RTKN2: variants seen among roughly 807,000 people sequenced by gnomAD.
The protein encoded by RTKN2 is rhotekin 2, also known as rhotekin-2.
In RTKN2, 69 loss-of-function variants were observed where a neutral mutation model predicts 71.5. The observed-to-expected ratio is 0.96, with a 90% CI of 0.79 to 1.18. RTKN2 has a LOEUF of 1.18. Among genes scored for constraint, RTKN2 ranks in the 50% most tolerant of loss-of-function variants. The probability of loss-of-function intolerance (pLI) is 0.00; values close to 1 mark genes in which losing one functional copy is unlikely to be tolerated. For missense variants in RTKN2, 724 were observed against 719.7 expected (o/e 1.01, Z -0.07); for synonymous variants, 236 against 236.5 (o/e 1.00, Z 0.02).
At chr10:62,226,700 A>T (rs192361534) in intron 6 of RTKN2, among the ~76,000 whole-genome samples, 1 of 152,366 alleles carries the variant, frequency 6.6e-6, no homozygotes, top group Non-Finnish European at 1.5e-5. Context: ...ATTTATTCTG[A>T]ACAAGTTTCT....
intron 6 of RTKN2, among the ~76,000 whole-genome samples, chr10:62,235,665 GGTGTGT>G (rs549300762): frequency 7.9e-5 from 6 of 75,528 alleles, no homozygotes; most frequent in Non-Finnish European, 1.8e-4. Context: ...ATATGTATAA[GGTGTGT>G]GTGTGTGTGT....
At chr10:62,258,533 C>G (rs1019815969) in intron 2 of RTKN2, among the ~76,000 whole-genome samples, 3 of 152,110 alleles carry the variant, frequency 2.0e-5, no homozygotes, top group Non-Finnish European at 2.9e-5. Context: ...TCCCTAAAAA[C>G]TGGTTATTTC....
At chr10:62,201,407 A>G (rs1029559890) in intron 10 of RTKN2, among the ~76,000 whole-genome samples, 1 of 152,192 alleles carries the variant, frequency 6.6e-6, no homozygotes, top group Non-Finnish European at 1.5e-5. Context: ...TTTCAAAATA[A>G]GCCACACAGC....
chr10:62,196,659 A>C lies in RTKN2; in HGVS notation c.*1249T>G. 1.0e-6 allele frequency: 1 copy of C among 985,118 alleles called. No individual in the cohort carries two copies. Among genetic ancestry groups the C allele is most frequent in the Non-Finnish European group, 1.2e-6 (1 of 829,688 alleles). 61.0% of individuals were successfully genotyped at this position (985,118 alleles called of 1,614,324 possible). A position where few individuals can be genotyped will look rare whatever the true frequency, so the allele number is the denominator to read the frequency against. On this transcript the variant is annotated 3_prime_UTR_variant, in exon 12 of 12. Transcript: ENST00000373789. ...ACACAGGGCAGCAATTTAATTCTTA[A>C]ATTTTTATTTCTTGCAATGACATTT...
intron 3 of RTKN2, among the ~76,000 whole-genome samples, chr10:62,245,692 TG>T (rs1432237363): frequency 6.6e-6 from 1 of 152,118 alleles, no homozygotes; most frequent in Non-Finnish European, 1.5e-5. Flanking sequence ...TCAAAAGACT[TG>T]GGTTTGGCCT....
chr10:62,240,832 T>A (rs1334835927), intron 4 of RTKN2, among the ~76,000 whole-genome samples: 1 of 152,226 alleles, frequency 6.6e-6, no homozygotes, highest in Non-Finnish European at 1.5e-5. Context: ...ATGTTGGCTT[T>A]ACCTTTATTC....
intron 9 of RTKN2, among the ~76,000 whole-genome samples, chr10:62,209,132 G>A (rs1194559225): frequency 6.6e-6 from 1 of 152,150 alleles, no homozygotes; most frequent in Non-Finnish European, 1.5e-5. Flanking sequence ...GCTGGGCGTG[G>A]TGGCGCATGC....
At position 62,193,800 on chromosome 10, in the gene RTKN2, A is replaced by G. The variant is rs1841270536; in HGVS notation, c.*4108T>C. On this transcript the variant is annotated 3_prime_UTR_variant, in exon 12 of 12. Transcript: ENST00000373789. ...AAGGTTATGTCAATGGATTTTTAAAAGAGTATACTTTAAGAAGGATTATAT... is the reference window on the plus strand; with the variant it reads ...AAGGTTATGTCAATGGATTTTTAAAGGAGTATACTTTAAGAAGGATTATAT... The G allele has an allele frequency of 1.0e-6, 1 of 981,494 alleles. No individual in the cohort carries two copies. The highest frequency in any genetic ancestry group is 1.2e-6 in the Non-Finnish European group (1 of 826,468). 60.8% of individuals were successfully genotyped at this position (981,494 alleles called of 1,614,324 possible).
chr10:62,195,278 A>G lies in RTKN2; in HGVS notation c.*2630T>C. 4 of 984,878 alleles carry G rather than the reference A, an allele frequency of 4.1e-6. No homozygotes were observed. Among genetic ancestry groups the G allele is most frequent in the Non-Finnish European group, 4.8e-6 (4 of 829,468 alleles). The allele number at this position is 984,878 out of a possible 1,614,324, so 61.0% of individuals were successfully genotyped here. On this transcript the variant is annotated 3_prime_UTR_variant, in exon 12 of 12. Transcript: ENST00000373789. ...TGTTTCAAGTTTATAGTCTTCATAT[A>G]TCAAGAAACAAATTAAAAGGACAAA...
Position 62,225,982 on chromosome 10 carries a change from C to T in RTKN2, c.687-2650G>A, listed in dbSNP as rs377201961. Among the ~76,000 whole-genome samples, 25 of 152,130 alleles carry T rather than the reference C, an allele frequency of 1.6e-4. No individual in the cohort carries two copies. The South Asian group carries it at 4.8e-3, about 29-fold the overall frequency. On this transcript the variant is annotated intron_variant, in intron 6 of 11. Coordinates refer to ENST00000373789, the MANE Select transcript of RTKN2 (RefSeq NM_145307.4). ...ATTTTTAGTAGAGACGGGGTTTCAC[C>T]GTGTTAGCCAGGAATGGTCTCGATC...
intron 5 of RTKN2, among the ~76,000 whole-genome samples, chr10:62,237,707 C>A (rs1450572239): frequency 2.0e-5 from 3 of 151,702 alleles, no homozygotes; most frequent in Admixed American, 6.6e-5. Context: ...GACCCTCCCC[C>A]ACTTTTGTAC....
intron 9 of RTKN2, among the ~76,000 whole-genome samples, chr10:62,209,246 C>T (rs1338166712): frequency 6.6e-6 from 1 of 151,678 alleles, no homozygotes; most frequent in Non-Finnish European, 1.5e-5. Context: ...CCAGCCTGGG[C>T]AACACGAGCG....
intron 6 of RTKN2, among the ~76,000 whole-genome samples, chr10:62,229,738 G>C (rs1842108766): frequency 6.6e-6 from 1 of 152,164 alleles, no homozygotes; most frequent in Non-Finnish European, 1.5e-5. Context: ...TGGCAGAATT[G>C]ACTAAAATTA....
chr10:62,232,430 T>C (rs1253732936), intron 6 of RTKN2, among the ~76,000 whole-genome samples: 1 of 151,608 alleles, frequency 6.6e-6, no homozygotes, highest in Non-Finnish European at 1.5e-5. Context: ...TCCTCCTACT[T>C]CAGCCTCCTG....
At position 62,194,705 on chromosome 10, in the gene RTKN2, A is replaced by C; in HGVS notation, c.*3203T>G. 1.0e-6 allele frequency: 1 copy of C among 985,414 alleles called. No homozygotes were observed. The highest frequency in any genetic ancestry group is 1.2e-6 in the Non-Finnish European group (1 of 829,922). The allele number at this position is 985,414 out of a possible 1,614,324, so 61.0% of individuals were successfully genotyped here. On this transcript the variant is annotated 3_prime_UTR_variant, in exon 12 of 12. Coordinates refer to ENST00000373789, the MANE Select transcript of RTKN2 (RefSeq NM_145307.4). ...TTTGGACTGAATTAATTAACTTCTC[A>C]GTAGGGGGCTGAGGTGCTGAACATA...
At chr10:62,232,338 A>C (rs1405526700) in intron 6 of RTKN2, among the ~76,000 whole-genome samples, 4 of 143,006 alleles carry the variant, frequency 2.8e-5, no homozygotes, top group African/African-American at 1.0e-4. Flanking sequence ...TTTTTGAGAC[A>C]GGGTCTCACT....
chr10:62,248,470 A>T (rs969127736), intron 2 of RTKN2, among the ~76,000 whole-genome samples: 14 of 152,170 alleles, frequency 9.2e-5, no homozygotes, highest in African/African-American at 3.4e-4. Context: ...CTGCAATATT[A>T]ATTCTAATTC....
intron 9 of RTKN2, among the ~76,000 whole-genome samples, chr10:62,209,932 G>A (rs1209695172): frequency 6.6e-6 from 1 of 152,134 alleles, no homozygotes; most frequent in African/African-American, 2.4e-5. Context: ...AAATATGTGT[G>A]CATGTGTCTT....
At chr10:62,240,843 G>A (rs1036112773) in intron 4 of RTKN2, among the ~76,000 whole-genome samples, 6 of 152,152 alleles carry the variant, frequency 3.9e-5, no homozygotes, top group Non-Finnish European at 5.9e-5. Flanking sequence ...ACCTTTATTC[G>A]CTAAACATTT....
Sources: allele counts gnomAD v4.1 joint callset (sites outside exome capture counted in the v4.1 genomes callset), GRCh38; gene constraint gnomAD v4.1.1; transcripts MANE v1.5; gene names NCBI Gene and HGNC (gene_info 2026-07-23, HGNC 2026-07-21).